ACSBG2: variants seen among roughly 807,000 people sequenced by gnomAD.
ACSBG2 encodes the protein long-chain-fatty-acid--CoA ligase ACSBG2.
A neutral mutation model predicts 74.7 loss-of-function variants in ACSBG2; 62 were observed. The ratio of observed to expected loss-of-function variants is 0.83; its 90% confidence interval spans 0.68 to 1.03. The LOEUF (loss-of-function observed/expected upper bound fraction) is 1.03, where lower values mean the gene tolerates loss of function less well. ACSBG2 is among the 50% of genes least tolerant of loss of function. ACSBG2 has a pLI of 0.00. For synonymous variants in ACSBG2, 309 were observed against 294.1 expected (o/e 1.05, Z -0.52); for missense variants, 730 against 817.6 (o/e 0.89, Z 1.31).
chr19:6,161,533 A>G, intron 6 of ACSBG2: 1 of 434,298 alleles, frequency 2.3e-6, no homozygotes, highest in South Asian at 2.7e-5. Flanking sequence ...GAGCAGAGGG[A>G]GGGGGTGTGA....
At chr19:6,137,461 T>G (rs2088625658) in intron 1 of ACSBG2, 4 of 147,824 alleles carry the variant, frequency 2.7e-5, no homozygotes, top group East Asian at 2.0e-4. Context: ...TGCAGCAGAG[T>G]GAGGAGGGGG....
chr19:6,182,183 T>C (rs1014445537), intron 8 of ACSBG2, among the ~76,000 whole-genome samples: 6 of 152,060 alleles, frequency 3.9e-5, no homozygotes, highest in African/African-American at 1.2e-4. Context: ...CTATATAAAT[T>C]TTAAAGTCAG....
intron 8 of ACSBG2, among the ~76,000 whole-genome samples, chr19:6,179,356 G>A (rs977449724): frequency 1.4e-5 from 2 of 141,228 alleles, no homozygotes; most frequent in South Asian, 2.2e-4. Flanking sequence ...CTGGAATGCA[G>A]TGGCATGATC....
chr19:6,136,346 C>G (rs1038314586), intron 1 of ACSBG2, among the ~76,000 whole-genome samples: 6 of 152,178 alleles, frequency 3.9e-5, no homozygotes, highest in African/African-American at 1.4e-4. Context: ...CCCGCCTTGG[C>G]CTCCCAAAGT....
intron 5 of ACSBG2, among the ~76,000 whole-genome samples, chr19:6,158,697 G>A (rs1051763707): frequency 3.3e-5 from 5 of 152,014 alleles, no homozygotes; most frequent in Admixed American, 1.3e-4. Context: ...CTCTGGAGTC[G>A]AGATGTGTCT....
rs761993324 is a variant in ACSBG2, at chr19:6,185,552, C to A, written c.1439C>A (p.Thr480Asn). Residue 480 changes from threonine to asparagine, a missense_variant, in exon 11 of 15, where the codon ACT (threonine) becomes AAT (asparagine). Transcript: ENST00000588485. ...HIFMGYLESE[T>N]ETTEAIDDEG... ...TTCATGGGCTATCTGGAAAGTGAGACTGAAACTACAGAGGCCATCGATGAT... is the reference window on the plus strand; with the variant it reads ...TTCATGGGCTATCTGGAAAGTGAGAATGAAACTACAGAGGCCATCGATGAT... 2 of 1,614,182 alleles carry A rather than the reference C, an allele frequency of 1.2e-6. No homozygotes were observed. Among genetic ancestry groups the A allele is most frequent in the Non-Finnish European group, 1.7e-6 (2 of 1,180,022 alleles).
intron 6 of ACSBG2, among the ~76,000 whole-genome samples, chr19:6,164,798 T>C (rs2089743824): frequency 6.6e-6 from 1 of 152,188 alleles, no homozygotes; most frequent in Non-Finnish European, 1.5e-5. Flanking sequence ...AATGGTAGAA[T>C]TTCTGCAGAT....
At chr19:6,142,125 G>A (rs987092371) in intron 2 of ACSBG2, among the ~76,000 whole-genome samples, 1 of 152,092 alleles carries the variant, frequency 6.6e-6, no homozygotes, top group African/African-American at 2.4e-5. Context: ...TGTGACACTG[G>A]GCAAGTCACT....
At chr19:6,176,574 C>A in intron 7 of ACSBG2, 1 of 254,932 alleles carries the variant, frequency 3.9e-6, no homozygotes, top group South Asian at 7.2e-5. Flanking sequence ...TCGGGGCACT[C>A]ACATACTTTA....
intron 2 of ACSBG2, among the ~76,000 whole-genome samples, chr19:6,143,659 C>T (rs2088927390): frequency 1.3e-5 from 2 of 152,122 alleles, no homozygotes; most frequent in South Asian, 4.1e-4. Context: ...CTCCACTCCC[C>T]CCTGCTTCAG....
intron 13 of ACSBG2, chr19:6,189,578 G>C (rs2090503396): frequency 6.6e-6 from 1 of 152,184 alleles, no homozygotes; most frequent in South Asian, 2.1e-4. Flanking sequence ...ACCCAGGTTG[G>C]AGTACGATGG....
chr19:6,176,471 C>A, intron 7 of ACSBG2: 1 of 1,278,128 alleles, frequency 7.8e-7, no homozygotes, highest in Non-Finnish European at 1.1e-6. Flanking sequence ...ATCCAAGGTG[C>A]CTTATACTGA....
At chr19:6,136,107 A>AT (rs1192884818) in intron 1 of ACSBG2, among the ~76,000 whole-genome samples, 198 bp downstream of exon 1, 7,457 of 138,742 alleles carry the variant, frequency 0.054, 245 homozygotes, top group Middle Eastern at 0.085. Flanking sequence ...TGTCCAGCTA[A>AT]TTTTTTTTTT....
intron 7 of ACSBG2, chr19:6,176,149 C>T (rs745502566): frequency 4.3e-6 from 2 of 464,474 alleles, no homozygotes; most frequent in Non-Finnish European, 7.1e-6. Flanking sequence ...ATAATTCTCC[C>T]TGATTAAAAA....
chr19:6,181,221 C>CA (rs1157571006), intron 8 of ACSBG2, among the ~76,000 whole-genome samples: 1,711 of 28,584 alleles, frequency 0.06, 60 homozygotes, highest in African/African-American at 0.12. Context: ...GAGACTGTGT[C>CA]AAAAAAAAAA....
At chr19:6,182,659 T>G in intron 8 of ACSBG2, 92 bp from the exon 9 acceptor site, 1 of 1,262,138 alleles carries the variant, frequency 7.9e-7, no homozygotes, top group South Asian at 1.4e-5. Context: ...GAAGGAATGT[T>G]CTCTTGGGCA....
chr19:6,151,732 T>C lies in ACSBG2; in HGVS notation c.323T>C (p.Val108Ala), dbSNP rs762439769. 2 of 1,602,790 alleles carry C rather than the reference T, an allele frequency of 1.2e-6. No homozygotes were observed. The highest frequency in any genetic ancestry group is 1.1e-5 in the South Asian group (1 of 88,876). ...CTGGGTTTGGAGCGTTTCCACGGAG[T>C]TGGTATCCTGGGGTTTAACTCTGCA... Reference protein sequence around the residue: ...IKLGLERFHGVGILGFNSAEW... With the variant: ...IKLGLERFHGAGILGFNSAEW... Residue 108 changes from valine to alanine, a missense_variant, in exon 4 of 15, where the codon GTT (valine) becomes GCT (alanine). Coordinates refer to ENST00000588485, the MANE Select transcript of ACSBG2 (RefSeq NM_030924.5).
chr19:6,182,413 TG>T (rs1340200732), intron 8 of ACSBG2, among the ~76,000 whole-genome samples: 1 of 152,236 alleles, frequency 6.6e-6, no homozygotes, highest in East Asian at 1.9e-4. Flanking sequence ...AAGAACGTCT[TG>T]AACGTGTTTC....
intron 7 of ACSBG2, 26 bp from the exon 8 acceptor site, chr19:6,177,203 A>G (rs1161211870): frequency 6.2e-7 from 1 of 1,612,422 alleles, no homozygotes; most frequent in Admixed American, 1.7e-5. Context: ...AGGGTGAGGC[A>G]CCTTGGATTG....
Sources: gnomAD v4.1 joint callset for allele counts (sites outside exome capture counted in the v4.1 genomes callset) on GRCh38, gnomAD v4.1.1 for gene constraint, MANE v1.5 for transcripts, NCBI Gene and HGNC (gene_info 2026-07-23, HGNC 2026-07-21) for gene names.